FBLN5: variants seen among roughly 807,000 people sequenced by gnomAD.
FBLN5 encodes fibulin-5.
A neutral mutation model predicts 61.6 loss-of-function variants in FBLN5; 24 were observed. The ratio of observed to expected loss-of-function variants is 0.39; its 90% CI spans 0.28 to 0.55. FBLN5 has a LOEUF of 0.55. FBLN5 is among the 20% of genes least tolerant of loss of function. FBLN5 has a pLI of 0.65. For missense variants in FBLN5, 470 were observed against 594.1 expected, an observed-to-expected ratio of 0.79 and a Z score of 2.17; for synonymous variants, 213 against 219.8, an observed-to-expected ratio of 0.97 and a Z score of 0.27.
chr14:91,929,036 C>T (rs556618034), intron 4 of FBLN5, among the ~76,000 whole-genome samples: 10 of 150,068 alleles, frequency 6.7e-5, no homozygotes, highest in Admixed American at 1.3e-4. Flanking sequence ...CCAGCCTGGG[C>T]GATAGAGTGA....
intron 10 of FBLN5, among the ~76,000 whole-genome samples, chr14:91,876,489 T>C (rs557737899): frequency 1.1e-4 from 16 of 152,300 alleles, no homozygotes; most frequent in Admixed American, 7.8e-4. Context: ...GCAGATGTGA[T>C]TAAGAATCTG....
At chr14:91,884,937 G>A (rs930136230) in intron 7 of FBLN5, among the ~76,000 whole-genome samples, 4 of 152,186 alleles carry the variant, frequency 2.6e-5, no homozygotes, top group Non-Finnish European at 5.9e-5. Context: ...CAGGGAGCAT[G>A]TATTAGGCCA....
At position 91,891,289 on chromosome 14, in the gene FBLN5, A is replaced by G. The variant is rs1398881501; in HGVS notation, c.551T>C (p.Val184Ala). The change falls in exon 6 of 11, where the codon GTT (valine) becomes GCT (alanine). Residue 184 changes from valine (V) to alanine (A), a missense_variant. By Grantham distance (64) the Val-to-Ala change is moderately conservative. Coordinates refer to ENST00000342058, the MANE Select transcript of FBLN5 (RefSeq NM_006329.4). ...YGYCQQLCAN[V>A]PGSYSCTCNP... is the part of the protein sequence containing the mutation. ...GCATGTACAAGAATAGGATCCAGGAACATTCGCACAGAGCTGCTGGCAGTA... is the reference window on the plus strand; with the variant it reads ...GCATGTACAAGAATAGGATCCAGGAGCATTCGCACAGAGCTGCTGGCAGTA... 6.2e-7 allele frequency: 1 copy of G among 1,614,090 alleles called. No homozygotes were observed. Among genetic ancestry groups the G allele is most frequent in the Non-Finnish European group, 8.5e-7 (1 of 1,179,926 alleles).
At chr14:91,918,003 C>T (rs781698816) in intron 4 of FBLN5, among the ~76,000 whole-genome samples, 1 of 152,216 alleles carries the variant, frequency 6.6e-6, no homozygotes, top group Admixed American at 6.5e-5. Flanking sequence ...GAAGCCCCTG[C>T]CCCCCAACCC....
rs187733854 is a variant in FBLN5 at position 91,924,762 on chromosome 14, G to A, written c.379+12185C>T. ...AATGTGTATTTATCACAGCTATGGAGTGTGAGCTGGAGAATAAGTACAGGG... is the reference window on the plus strand; with the variant it reads ...AATGTGTATTTATCACAGCTATGGAATGTGAGCTGGAGAATAAGTACAGGG... On this transcript the variant is annotated intron_variant, in intron 4 of 10. Transcript: ENST00000342058. Among the ~76,000 whole-genome samples the A allele has an allele frequency of 6.6e-5, 10 of 152,298 alleles. No individual in the cohort carries two copies. In the East Asian group the frequency reaches 1.3e-3, roughly 21 times the overall value.
chr14:91,911,973 ATTAT>A (rs1325165103), intron 4 of FBLN5, among the ~76,000 whole-genome samples: 1 of 152,236 alleles, frequency 6.6e-6, no homozygotes, highest in Non-Finnish European at 1.5e-5. Context: ...TAGGAGCACA[ATTAT>A]TTATTTTCCA....
chr14:91,881,829 T>G (rs1889491142), intron 8 of FBLN5, among the ~76,000 whole-genome samples: 1 of 151,822 alleles, frequency 6.6e-6, no homozygotes, highest in Non-Finnish European at 1.5e-5. Context: ...ATCTCATCAA[T>G]AATAATTTTT....
chr14:91,934,170 G>C (rs1335967517), intron 4 of FBLN5, among the ~76,000 whole-genome samples: 2 of 152,214 alleles, frequency 1.3e-5, no homozygotes, highest in Non-Finnish European at 2.9e-5. Flanking sequence ...CTGCACTACA[G>C]CCTGGGTAAC....
rs868328360 is a variant in FBLN5, at chr14:91,891,300, G to A, written c.540C>T (p.Leu180=). 1.2e-6 allele frequency: 2 copies of A among 1,613,862 alleles called. No individual in the cohort carries two copies. The highest frequency in any genetic ancestry group is 1.7e-6 in the Non-Finnish European group (2 of 1,179,848). ...DECRYGYCQQ[L]CANVPGSYSC... is the part of the protein sequence containing the mutation. ...AATAGGATCCAGGAACATTCGCACAGAGCTGCTGGCAGTAACCATAGCGAC... is the reference window on the plus strand; with the variant it reads ...AATAGGATCCAGGAACATTCGCACAAAGCTGCTGGCAGTAACCATAGCGAC... Residue 180 remains leucine (L), a synonymous_variant, in exon 6 of 11, where the codon CTC becomes CTT. Transcript: ENST00000342058.
At chr14:91,939,239 A>G (rs1021877121) in intron 3 of FBLN5, among the ~76,000 whole-genome samples, 4 of 151,452 alleles carry the variant, frequency 2.6e-5, no homozygotes, top group Non-Finnish European at 4.4e-5. Context: ...TGTCCTTTCC[A>G]CACCTGGTCC....
Position 91,904,459 on chromosome 14 carries a change from C to T in FBLN5, c.380-9387G>A, listed in dbSNP as rs150942768. Among the ~76,000 whole-genome samples the T allele has an allele frequency of 5.8e-3, 881 of 152,296 alleles. 12 individuals carry two copies. Among genetic ancestry groups the T allele is most frequent in the African/African-American group, 0.02 (833 of 41,562 alleles). On this transcript the variant is annotated intron_variant, in intron 4 of 10. Transcript: ENST00000342058. ...GGCCTAGTCCCACCCTAGCAATGGC[C>T]CAGGGCTGATTTGAAAGCAGCCTCA... is the stretch of plus-strand genomic sequence containing the variant.
intron 10 of FBLN5, among the ~76,000 whole-genome samples, chr14:91,875,769 C>A (rs923722482): frequency 5.9e-5 from 9 of 152,336 alleles, no homozygotes; most frequent in East Asian, 5.8e-4. Flanking sequence ...CCCTTGCCTG[C>A]TCTGAACTAG....
chr14:91,927,132 T>G (rs956115489), intron 4 of FBLN5, among the ~76,000 whole-genome samples: 1 of 152,222 alleles, frequency 6.6e-6, no homozygotes, highest in Admixed American at 6.5e-5. Context: ...GGGATGATAT[T>G]TACATGAAGC....
chr14:91,935,010 G>GAAGTTAGA, intron 4 of FBLN5, among the ~76,000 whole-genome samples: 1 of 152,334 alleles, frequency 6.6e-6, no homozygotes, highest in South Asian at 2.1e-4. Context: ...GGGGTGAAGG[G>GAAGTTAGA]AAGTTAGAAA....
chr14:91,943,522 A>C lies in FBLN5; in HGVS notation c.18-561T>G, dbSNP rs889615636. Reference sequence around the variant, plus strand: ...AGACCTTGTCCTCCCCCCACCCCCCAAAAAAGCTAAAACCTCCCACTATGG... The same window carrying C: ...AGACCTTGTCCTCCCCCCACCCCCCCAAAAAGCTAAAACCTCCCACTATGG... On this transcript the variant is annotated intron_variant, in intron 1 of 10. Coordinates refer to ENST00000342058, the MANE Select transcript of FBLN5 (RefSeq NM_006329.4). This position sits in a 1 kb window ranked among gnomAD's most constrained non-coding sequence, Gnocchi z 4.0. Among the ~76,000 whole-genome samples, 16 of 150,668 alleles carry C rather than the reference A, an allele frequency of 1.1e-4. No homozygotes were observed. The highest frequency in any genetic ancestry group is 2.6e-4 in the Admixed American group (4 of 15,112).
chr14:91,881,402 C>T lies in FBLN5; in HGVS notation c.879G>A (p.Glu293=). 5 of 1,614,212 alleles carry T rather than the reference C, an allele frequency of 3.1e-6. No homozygotes were observed. Among genetic ancestry groups the T allele is most frequent in the East Asian group, 2.2e-5 (1 of 44,894 alleles). ...NRSCQDINEC[E]HRNHTCNLQQ... is the part of the protein sequence containing the mutation. Reference sequence around the variant, plus strand: ...GCAGGTTGCACGTGTGGTTCCTGTGCTCACATTCGTTGATGTCTGAAATGC... The same window carrying T: ...GCAGGTTGCACGTGTGGTTCCTGTGTTCACATTCGTTGATGTCTGAAATGC... Residue 293 remains glutamate, a synonymous_variant, in exon 9 of 11, where the codon GAG becomes GAA. Coordinates refer to ENST00000342058, the MANE Select transcript of FBLN5 (RefSeq NM_006329.4).
intron 4 of FBLN5, among the ~76,000 whole-genome samples, chr14:91,918,098 G>T (rs955793862): frequency 6.6e-6 from 1 of 152,210 alleles, no homozygotes; most frequent in African/African-American, 2.4e-5. Context: ...GTAAAGGTGG[G>T]AGGTCAGGGA....
At chr14:91,883,664 A>AAAAAAACAC (rs758858453) in intron 7 of FBLN5, among the ~76,000 whole-genome samples, 9 of 148,460 alleles carry the variant, frequency 6.1e-5, no homozygotes, top group African/African-American at 2.3e-4. Context: ...AAACAAAAAA[A>AAAAAAACAC]ACACACACAC....
At chr14:91,931,607 G>A (rs2055925135) in intron 4 of FBLN5, among the ~76,000 whole-genome samples, 1 of 152,216 alleles carries the variant, frequency 6.6e-6, no homozygotes, top group Non-Finnish European at 1.5e-5. Flanking sequence ...CGGAATTTCT[G>A]CAGTCCCCGG....
Sources: gnomAD v4.1 joint callset for allele counts (sites outside exome capture counted in the v4.1 genomes callset) on GRCh38, gnomAD v4.1.1 for gene constraint, Gnocchi (gnomAD v3.1) non-coding constraint, MANE v1.5 for transcripts, NCBI Gene and HGNC (gene_info 2026-07-23, HGNC 2026-07-21) for gene names.